The following FOXN2 variants were observed in gnomAD, a reference collection of about 807,000 sequenced individuals.
FOXN2 encodes forkhead box N2.
In FOXN2, 19 loss-of-function variants were observed where a neutral mutation model predicts 41.2. The observed-to-expected ratio is 0.46, with a 90% confidence interval of 0.32 to 0.68. FOXN2 has a LOEUF of 0.68. Among genes scored for constraint, FOXN2 ranks in the 30% least tolerant of loss-of-function variants. FOXN2 has a pLI of 0.03. For missense variants in FOXN2, 587 were observed against 509.4 expected (o/e 1.15, Z -1.47); for synonymous variants, 195 against 176.8 (o/e 1.10, Z -0.82).
chr2:48,362,848 A>T, intron 5 of FOXN2, 141 bp downstream of exon 5: 1 of 695,868 alleles, frequency 1.4e-6, no homozygotes, highest in Non-Finnish European at 2.5e-6. Flanking sequence ...AGCTTGTTGT[A>T]ACATTGTGGC....
chr2:48,328,863 T>C (rs892001348), intron 2 of FOXN2, among the ~76,000 whole-genome samples, 161 bp downstream of exon 2: 1 of 152,214 alleles, frequency 6.6e-6, no homozygotes, highest in African/African-American at 2.4e-5. Context: ...CTAAGAGCTG[T>C]AGTGGTTCTT....
At chr2:48,334,295 T>C (rs752520037) in intron 2 of FOXN2, among the ~76,000 whole-genome samples, 5 of 152,224 alleles carry the variant, frequency 3.3e-5, no homozygotes, top group African/African-American at 4.8e-5. Flanking sequence ...GCCTGTAGAA[T>C]GTATCCATTA....
rs942534801 is a variant in FOXN2, at chr2:48,377,290, T to C, written c.*1847T>C. Reference sequence around the variant, plus strand: ...GTTAACTTTTATTATAGACAGTGAATAAAACACCAAAAACCCAAAAATGCT... The same window carrying C: ...GTTAACTTTTATTATAGACAGTGAACAAAACACCAAAAACCCAAAAATGCT... On this transcript the variant is annotated 3_prime_UTR_variant, in exon 7 of 7. Transcript: ENST00000340553. The C allele has an allele frequency of 6.6e-6, 1 of 151,908 alleles. No homozygotes were observed. The highest frequency in any genetic ancestry group is 2.4e-5 in the African/African-American group (1 of 41,412). 9.4% of individuals were successfully genotyped at this position (151,908 alleles called of 1,614,324 possible).
At chr2:48,369,083 A>G (rs931530819) in intron 5 of FOXN2, among the ~76,000 whole-genome samples, 1 of 152,228 alleles carries the variant, frequency 6.6e-6, no homozygotes, top group Non-Finnish European at 1.5e-5. Context: ...TTTTCCTACC[A>G]TTCTACTGTT....
At chr2:48,339,560 G>A (rs577224498) in intron 2 of FOXN2, among the ~76,000 whole-genome samples, 10 of 152,090 alleles carry the variant, frequency 6.6e-5, no homozygotes, top group Non-Finnish European at 1.0e-4. Flanking sequence ...ACCCAGTCTC[G>A]GATATGTCCC....
rs574713941 is a variant in FOXN2 at position 48,378,385 on chromosome 2, T to C, written c.*2942T>C. ...TATATAGTAAAGTTTAGTATATATATATTTTTTTCTTTTTGCTACTTTCTG... is the reference window on the plus strand; with the variant it reads ...TATATAGTAAAGTTTAGTATATATACATTTTTTTCTTTTTGCTACTTTCTG... On this transcript the variant is annotated 3_prime_UTR_variant, in exon 7 of 7. Coordinates refer to ENST00000340553, the MANE Select transcript of FOXN2 (RefSeq NM_002158.4). The C allele has an allele frequency of 5.9e-5, 9 of 151,822 alleles. No homozygotes were observed. Among genetic ancestry groups the C allele is most frequent in the African/African-American group, 1.7e-4 (7 of 41,294 alleles). The allele number at this position is 151,822 out of a possible 1,614,324, so 9.4% of individuals were successfully genotyped here.
intron 3 of FOXN2, among the ~76,000 whole-genome samples, chr2:48,355,652 A>G (rs1487823938): frequency 6.6e-6 from 1 of 152,168 alleles, no homozygotes; most frequent in Non-Finnish European, 1.5e-5. Context: ...TAGTTGCACT[A>G]AATGTTAGCA....
chr2:48,373,174 T>C (rs1673021316), intron 5 of FOXN2, 118 bp from the exon 6 acceptor site: 1 of 679,792 alleles, frequency 1.5e-6, no homozygotes, highest in Non-Finnish European at 2.5e-6. Context: ...TGTGCGTTTA[T>C]GCTTTCTTAG....
At chr2:48,365,567 G>T (rs530946067) in intron 5 of FOXN2, among the ~76,000 whole-genome samples, 1 of 152,116 alleles carries the variant, frequency 6.6e-6, no homozygotes, top group South Asian at 2.1e-4. Flanking sequence ...ACAAGTTTTT[G>T]CTGCTAGTTT....
At chr2:48,342,173 T>G (rs1250201584) in intron 2 of FOXN2, among the ~76,000 whole-genome samples, 1 of 152,196 alleles carries the variant, frequency 6.6e-6, no homozygotes, top group Non-Finnish European at 1.5e-5. Flanking sequence ...TTTTCTTTTT[T>G]GTATGTATTT....
chr2:48,332,141 A>G (rs1670056692), intron 2 of FOXN2, among the ~76,000 whole-genome samples: 1 of 152,186 alleles, frequency 6.6e-6, no homozygotes, highest in African/African-American at 2.4e-5. Flanking sequence ...TCATGATGCC[A>G]TTACATTTGT....
chr2:48,318,448 A>G (rs534574485), intron 1 of FOXN2, among the ~76,000 whole-genome samples: 12 of 152,334 alleles, frequency 7.9e-5, no homozygotes, highest in African/African-American at 2.9e-4. Context: ...ATGAATTGCC[A>G]GTCTCATCAC....
At chr2:48,362,601 A>G (rs964468002) in intron 4 of FOXN2, 42 bp from the exon 5 acceptor site, 1 of 1,565,960 alleles carries the variant, frequency 6.4e-7, no homozygotes, top group Non-Finnish European at 8.8e-7. Context: ...AAGTGAAGTA[A>G]ACATTTTTAT....
At chr2:48,345,675 C>T (rs977599509) in intron 2 of FOXN2, among the ~76,000 whole-genome samples, 6 of 151,856 alleles carry the variant, frequency 4.0e-5, no homozygotes, top group East Asian at 1.9e-4. Context: ...TTTAGTATGA[C>T]GTGCTGTAAA....
At chr2:48,349,070 G>C (rs1671289258) in intron 3 of FOXN2, among the ~76,000 whole-genome samples, 1 of 152,192 alleles carries the variant, frequency 6.6e-6, no homozygotes. Flanking sequence ...TCAATATAGA[G>C]TCTAGAGCTG....
intron 1 of FOXN2, among the ~76,000 whole-genome samples, chr2:48,324,970 C>T (rs1253407640): frequency 6.6e-6 from 1 of 152,156 alleles, no homozygotes; most frequent in African/African-American, 2.4e-5. Flanking sequence ...GGAAGGTAGA[C>T]AATCCAGTTG....
At chr2:48,368,315 G>GA (rs1175347883) in intron 5 of FOXN2, among the ~76,000 whole-genome samples, 4 of 152,060 alleles carry the variant, frequency 2.6e-5, no homozygotes, top group African/African-American at 9.7e-5. Flanking sequence ...CTTTATCAAT[G>GA]AAAAAATACC....
intron 3 of FOXN2, among the ~76,000 whole-genome samples, chr2:48,348,286 G>A (rs1481007004): frequency 6.6e-6 from 1 of 151,414 alleles, no homozygotes; most frequent in Non-Finnish European, 1.5e-5. Flanking sequence ...TTTTCTATAG[G>A]TTCACCGTTT....
intron 5 of FOXN2, among the ~76,000 whole-genome samples, chr2:48,366,648 G>T (rs1672554849): frequency 1.3e-5 from 2 of 152,104 alleles, no homozygotes; most frequent in Admixed American, 1.3e-4. Context: ...TTGCTTACTT[G>T]ATGCTTTGCA....
Sources: gnomAD v4.1 joint callset for allele counts (sites outside exome capture counted in the v4.1 genomes callset) on GRCh38, gnomAD v4.1.1 for gene constraint, MANE v1.5 for transcripts, NCBI Gene and HGNC (gene_info 2026-07-23, HGNC 2026-07-21) for gene names.